The following NDRG3 variants were observed in gnomAD, a reference collection of about 807,000 sequenced individuals.
NDRG3 encodes protein NDRG3.
Under a neutral mutation model 57.2 loss-of-function variants are expected in NDRG3, and 23 were observed. The ratio of observed to expected loss-of-function variants is 0.40; its 90% CI spans 0.29 to 0.57. The LOEUF (loss-of-function observed/expected upper bound fraction) is 0.57, where lower values mean the gene tolerates loss of function less well. Ranked by LOEUF, NDRG3 falls within the 20% of genes least tolerant of loss-of-function variation. The pLI is 0.42. For synonymous variants in NDRG3, 132 were observed against 162.6 expected (o/e 0.81, Z 1.43); for missense variants, 384 against 457.3 (o/e 0.84, Z 1.46).
chr20:36,707,716 GA>G (rs949867997), intron 2 of NDRG3, among the ~76,000 whole-genome samples: 2 of 151,204 alleles, frequency 1.3e-5, no homozygotes, highest in Admixed American at 6.6e-5. Context: ...ACTGATTGAG[GA>G]AAAAAAAATC....
At chr20:36,683,260 A>G (rs1318737484) in intron 6 of NDRG3, among the ~76,000 whole-genome samples, 1 of 151,936 alleles carries the variant, frequency 6.6e-6, no homozygotes, top group Non-Finnish European at 1.5e-5. Flanking sequence ...AACAAAAAAC[A>G]AAACCAAAAA....
At chr20:36,737,466 AC>A (rs1432312242) in intron 1 of NDRG3, among the ~76,000 whole-genome samples, 1 of 152,190 alleles carries the variant, frequency 6.6e-6, no homozygotes, top group Non-Finnish European at 1.5e-5. Context: ...TAATACTCAT[AC>A]GAGCCAAATT....
At chr20:36,667,653 A>C (rs1263197624) in intron 9 of NDRG3, among the ~76,000 whole-genome samples, 1 of 152,168 alleles carries the variant, frequency 6.6e-6, no homozygotes, top group East Asian at 1.9e-4. Flanking sequence ...CAACATCAAT[A>C]AGCAGTTTTA....
intron 1 of NDRG3, among the ~76,000 whole-genome samples, chr20:36,745,643 G>C (rs979920179): frequency 2.0e-5 from 3 of 152,244 alleles, no homozygotes; most frequent in Non-Finnish European, 2.9e-5. Context: ...CCTCTTCCAA[G>C]CATCTGGGCT....
intron 2 of NDRG3, among the ~76,000 whole-genome samples, chr20:36,718,670 G>A (rs896845758): frequency 6.6e-5 from 10 of 152,028 alleles, no homozygotes; most frequent in Non-Finnish European, 1.3e-4. Flanking sequence ...GAGAGAAAGA[G>A]AGCCTCTTTC....
At chr20:36,712,587 A>ATTTTTTTTTTTTTTTTTTT (rs71186015) in intron 2 of NDRG3, among the ~76,000 whole-genome samples, 1 of 5,912 alleles carries the variant, frequency 1.7e-4, no homozygotes, top group East Asian at 5.5e-3. Context: ...ATATATATAT[A>ATTTTTTTTTTTTTTTTTTT]TTTTTTTTTT....
intron 9 of NDRG3, among the ~76,000 whole-genome samples, chr20:36,670,941 C>T (rs1220726912): frequency 4.6e-5 from 7 of 152,194 alleles, no homozygotes; most frequent in African/African-American, 1.7e-4. Context: ...AGTTGAAAAA[C>T]ATGGGGCTTG....
chr20:36,679,752 C>A (rs906039340), intron 8 of NDRG3, among the ~76,000 whole-genome samples: 1 of 151,960 alleles, frequency 6.6e-6, no homozygotes, highest in Non-Finnish European at 1.5e-5. Context: ...GATCTGCCCA[C>A]CTTGACCTCC....
chr20:36,686,768 A>G (rs189735715), intron 5 of NDRG3, among the ~76,000 whole-genome samples: 32 of 152,320 alleles, frequency 2.1e-4, no homozygotes, highest in South Asian at 1.9e-3. Flanking sequence ...TTCCATTACT[A>G]GTTTGAGAGC....
chr20:36,660,599 C>A (rs1347803785), intron 12 of NDRG3, among the ~76,000 whole-genome samples: 1 of 149,760 alleles, frequency 6.7e-6, no homozygotes, highest in Non-Finnish European at 1.5e-5. Context: ...CTCGCTCTGT[C>A]GCCCAGGCTG....
chr20:36,660,796 G>A (rs917174437), intron 12 of NDRG3, among the ~76,000 whole-genome samples: 1 of 152,012 alleles, frequency 6.6e-6, no homozygotes, highest in Non-Finnish European at 1.5e-5. Context: ...TCCTGACCTC[G>A]TGATCCGCCC....
Position 36,699,933 on chromosome 20 carries a change from C to T in NDRG3, c.93+7039G>A, listed in dbSNP as rs141169972. ...GTCAGGAATTCAAGACCAGCCTGAC[C>T]AACATGGTGAAACCCGTCTCTACTA... On this transcript the variant is annotated intron_variant, in intron 3 of 15. Transcript: ENST00000349004. Among the ~76,000 whole-genome samples, 984 of 151,786 alleles carry T rather than the reference C, an allele frequency of 6.5e-3. 12 individuals are homozygous for T. Among genetic ancestry groups the T allele is most frequent in the African/African-American group, 0.022 (924 of 41,402 alleles).
chr20:36,733,194 AT>A, intron 1 of NDRG3, among the ~76,000 whole-genome samples: 2 of 129,458 alleles, frequency 1.5e-5, no homozygotes, highest in African/African-American at 5.8e-5. Context: ...ATATATATAT[AT>A]ATATATATGC....
At chr20:36,698,444 T>C (rs1033933736) in intron 3 of NDRG3, among the ~76,000 whole-genome samples, 2 of 151,912 alleles carry the variant, frequency 1.3e-5, no homozygotes, top group African/African-American at 2.4e-5. Context: ...TTTTAAAAAA[T>C]AGCCAGGCCT....
chr20:36,682,686 TAGATGTG>T, intron 6 of NDRG3, 108 bp from the exon 7 acceptor site: 1 of 892,502 alleles, frequency 1.1e-6, no homozygotes, highest in South Asian at 1.5e-5. Flanking sequence ...TGATATTTAT[TAGATGTG>T]AGAATTTGGG....
At chr20:36,710,943 G>A (rs1302512588) in intron 2 of NDRG3, among the ~76,000 whole-genome samples, 1 of 151,792 alleles carries the variant, frequency 6.6e-6, no homozygotes, top group East Asian at 1.9e-4. Flanking sequence ...CGGCGCCACT[G>A]CACTCCAGCC....
At chr20:36,741,539 A>G (rs1985928767) in intron 1 of NDRG3, among the ~76,000 whole-genome samples, 2 of 152,242 alleles carry the variant, frequency 1.3e-5, no homozygotes, top group Non-Finnish European at 2.9e-5. Context: ...CAAAAATAAT[A>G]TAGAAAGGTA....
intron 1 of NDRG3, among the ~76,000 whole-genome samples, chr20:36,722,586 A>T (rs1984659528): frequency 6.6e-6 from 1 of 152,174 alleles, no homozygotes; most frequent in South Asian, 2.1e-4. Context: ...CGGGGACAAA[A>T]ATTGAAGATT....
intron 3 of NDRG3, among the ~76,000 whole-genome samples, chr20:36,693,141 T>TATATATATATATACAC (rs1323122806): frequency 2.9e-5 from 1 of 34,584 alleles, no homozygotes; most frequent in Non-Finnish European, 5.6e-5. Context: ...TATATATATA[T>TATATATATATATACAC]ACACACACAC....
Sources: allele counts gnomAD v4.1 joint callset (sites outside exome capture counted in the v4.1 genomes callset), GRCh38; gene constraint gnomAD v4.1.1; transcripts MANE v1.5; gene names NCBI Gene and HGNC (gene_info 2026-07-23, HGNC 2026-07-21).